KIAA1328: variants seen among roughly 807,000 people sequenced by gnomAD.
KIAA1328 encodes the protein protein hinderin.
KIAA1328 carries 52 observed loss-of-function variants against 68.1 expected under a neutral mutation model. The ratio of observed to expected loss-of-function variants is 0.76; its 90% CI spans 0.61 to 0.96. The LOEUF (loss-of-function observed/expected upper bound fraction) is 0.96, where lower values mean the gene tolerates loss of function less well. KIAA1328 is among the 40% of genes least tolerant of loss of function. The pLI, the probability that KIAA1328 is intolerant of heterozygous loss-of-function variation, is 0.00. For missense variants in KIAA1328, 641 were observed against 677.6 expected (o/e 0.95, Z 0.60); for synonymous variants, 232 against 239.4 (o/e 0.97, Z 0.28).
chr18:36,851,624 T>C (rs1368963956), intron 4 of KIAA1328, among the ~76,000 whole-genome samples: 3 of 152,128 alleles, frequency 2.0e-5, no homozygotes, highest in African/African-American at 7.2e-5. Flanking sequence ...TATAATACTT[T>C]TTATTTCTGT....
chr18:37,193,712 G>T, intron 9 of KIAA1328: 1 of 681,506 alleles, frequency 1.5e-6, no homozygotes, highest in Non-Finnish European at 2.7e-6. Flanking sequence ...ATGTCCAGCT[G>T]GGTTAAATAC....
At chr18:37,088,063 C>T (rs116467798) in intron 7 of KIAA1328, among the ~76,000 whole-genome samples, 85 of 152,290 alleles carry the variant, frequency 5.6e-4, no homozygotes, top group African/African-American at 2.0e-3. Context: ...TACCTGCTTC[C>T]TCCAGTCTCT....
intron 8 of KIAA1328, among the ~76,000 whole-genome samples, chr18:37,170,550 C>T (rs1382820024): frequency 1.3e-5 from 2 of 152,210 alleles, no homozygotes; most frequent in African/African-American, 4.8e-5. Context: ...ATGTAACTCT[C>T]TGTCTCCCAT....
chr18:36,916,031 G>A (rs2049684430), intron 5 of KIAA1328, among the ~76,000 whole-genome samples: 1 of 152,134 alleles, frequency 6.6e-6, no homozygotes, highest in South Asian at 2.1e-4. Flanking sequence ...CATGTGTAAT[G>A]TGTTGTCTTT....
intron 6 of KIAA1328, among the ~76,000 whole-genome samples, chr18:36,975,853 T>C (rs979957588): frequency 1.3e-5 from 2 of 152,202 alleles, no homozygotes; most frequent in African/African-American, 4.8e-5. Flanking sequence ...AGAGATAAAA[T>C]TATTTTTCCT....
chr18:37,035,073 G>T (rs2054974533), intron 6 of KIAA1328, among the ~76,000 whole-genome samples: 1 of 152,160 alleles, frequency 6.6e-6, no homozygotes, highest in Non-Finnish European at 1.5e-5. Context: ...TTCTCAAAAG[G>T]ATAATTGGTG....
intron 5 of KIAA1328, among the ~76,000 whole-genome samples, chr18:36,942,732 T>C (rs1415953254): frequency 1.3e-5 from 2 of 152,204 alleles, no homozygotes; most frequent in Admixed American, 1.3e-4. Context: ...TCACTTTTAA[T>C]TGATCTCTTG....
At chr18:36,982,867 A>G (rs2151379346) in intron 6 of KIAA1328, among the ~76,000 whole-genome samples, 1 of 152,192 alleles carries the variant, frequency 6.6e-6, no homozygotes, top group Admixed American at 6.5e-5. Context: ...AAATGAAGGT[A>G]TTTTGTTGTA....
chr18:36,918,670 C>G (rs1460827355), intron 5 of KIAA1328, among the ~76,000 whole-genome samples: 2 of 152,154 alleles, frequency 1.3e-5, no homozygotes, highest in Non-Finnish European at 2.9e-5. Flanking sequence ...CTGCCTTGGC[C>G]TCCCAAAGTG....
intron 9 of KIAA1328, among the ~76,000 whole-genome samples, chr18:37,174,655 G>A (rs1335095788): frequency 1.3e-5 from 2 of 151,246 alleles, no homozygotes; most frequent in East Asian, 1.9e-4. Context: ...GTGCAGTGGC[G>A]CAATCTTGGC....
intron 7 of KIAA1328, among the ~76,000 whole-genome samples, chr18:37,158,115 C>T (rs1187006153): frequency 6.6e-6 from 1 of 151,832 alleles, no homozygotes; most frequent in Non-Finnish European, 1.5e-5. Context: ...TCACTATAAG[C>T]CCAAACTCCT....
chr18:37,008,344 C>A (rs1300289767), intron 6 of KIAA1328, among the ~76,000 whole-genome samples: 1 of 152,186 alleles, frequency 6.6e-6, no homozygotes, highest in African/African-American at 2.4e-5. Flanking sequence ...AAATTAGAAC[C>A]ACTGCTCAGA....
chr18:36,975,103 A>T (rs2052407502), intron 6 of KIAA1328, among the ~76,000 whole-genome samples: 1 of 151,740 alleles, frequency 6.6e-6, no homozygotes, highest in African/African-American at 2.4e-5. Flanking sequence ...TATTATGTTG[A>T]TATCAGTCAC....
chr18:37,033,097 A>G (rs1490226800), intron 6 of KIAA1328, among the ~76,000 whole-genome samples: 1 of 152,116 alleles, frequency 6.6e-6, no homozygotes, highest in Non-Finnish European at 1.5e-5. Context: ...TATAATGTCA[A>G]ATTTTTACTT....
At chr18:37,089,364 G>A (rs1288036695) in intron 7 of KIAA1328, among the ~76,000 whole-genome samples, 1 of 143,136 alleles carries the variant, frequency 7.0e-6, no homozygotes, top group African/African-American at 2.6e-5. Flanking sequence ...GTACTTGAAG[G>A]TAGTGGCTTT....
chr18:36,849,296 A>G (rs2047135963), intron 4 of KIAA1328, among the ~76,000 whole-genome samples: 1 of 151,996 alleles, frequency 6.6e-6, no homozygotes, highest in African/African-American at 2.4e-5. Flanking sequence ...TAAAATACAC[A>G]TGACATAAAT....
chr18:37,110,080 A>AAC lies in KIAA1328; in HGVS notation c.1232+42537_1232+42538dup, dbSNP rs1399768886. Among the ~76,000 whole-genome samples, 3 of 152,080 alleles carry AAC rather than the reference A, an allele frequency of 2.0e-5. No individual in the cohort carries two copies. In the East Asian group the frequency reaches 5.8e-4, roughly 29 times the overall value. On this transcript the variant is annotated intron_variant, in intron 7 of 9. Coordinates refer to ENST00000280020, the MANE Select transcript of KIAA1328 (RefSeq NM_020776.3). The stretch of plus-strand genomic sequence containing the variant: ...AAAAAAAAAAAATCACTTATTTTTC[A>AAC]ACATTTTTTTCGAGGCTCCAATAAA...
chr18:36,884,453 C>G (rs2048429560), intron 4 of KIAA1328, among the ~76,000 whole-genome samples: 1 of 152,118 alleles, frequency 6.6e-6, no homozygotes, highest in African/African-American at 2.4e-5. Flanking sequence ...TGCTTTGACA[C>G]AAATTATTTC....
chr18:37,006,612 G>T (rs2053794574), intron 6 of KIAA1328, among the ~76,000 whole-genome samples: 1 of 151,864 alleles, frequency 6.6e-6, no homozygotes, highest in South Asian at 2.1e-4. Flanking sequence ...TGCCATGTTG[G>T]TGTGCTGCAC....
Sources: allele counts gnomAD v4.1 joint callset (sites outside exome capture counted in the v4.1 genomes callset), GRCh38; gene constraint gnomAD v4.1.1; transcripts MANE v1.5; gene names NCBI Gene and HGNC (gene_info 2026-07-23, HGNC 2026-07-21).